Variants in IGSF5 observed in about 807,000 individuals in gnomAD.
IGSF5 encodes immunoglobulin superfamily 5 like.
IGSF5 carries 41 observed loss-of-function variants against 39.4 expected under a neutral mutation model. The observed-to-expected ratio is 1.04, with a 90% CI of 0.81 to 1.35. The LOEUF (loss-of-function observed/expected upper bound fraction) is 1.35, where lower values mean the gene tolerates loss of function less well. Ranked by LOEUF, IGSF5 falls within the 40% of genes most tolerant of loss-of-function variation. The probability of loss-of-function intolerance (pLI) is 0.00; values close to 1 mark genes in which losing one functional copy is unlikely to be tolerated. For missense variants in IGSF5, 487 were observed against 494.6 expected (o/e 0.98, Z 0.15); for synonymous variants, 183 against 175.3 (o/e 1.04, Z -0.34).
At chr21:39,765,217 C>T (rs1189914574) in intron 2 of IGSF5, among the ~76,000 whole-genome samples, 1 of 152,302 alleles carries the variant, frequency 6.6e-6, no homozygotes, top group South Asian at 2.1e-4. Context: ...GAGATCCTTA[C>T]CTAATTACAT....
At chr21:39,787,885 T>A (rs779061874) in intron 5 of IGSF5, among the ~76,000 whole-genome samples, 1 of 152,184 alleles carries the variant, frequency 6.6e-6, no homozygotes, top group African/African-American at 2.4e-5. Context: ...CACAAAGTAA[T>A]AAGTAAATAC....
chr21:39,754,445 C>T (rs2080020221), intron 2 of IGSF5, among the ~76,000 whole-genome samples: 1 of 152,128 alleles, frequency 6.6e-6, no homozygotes, highest in African/African-American at 2.4e-5. Flanking sequence ...ATGACATTTT[C>T]TGCCACTTTT....
chr21:39,753,869 A>G (rs1480312453), intron 2 of IGSF5, among the ~76,000 whole-genome samples: 1 of 151,778 alleles, frequency 6.6e-6, no homozygotes, highest in African/African-American at 2.4e-5. Flanking sequence ...AGTTTATGTG[A>G]GTGCTTAGGT....
chr21:39,779,571 A>T (rs2080159335), intron 5 of IGSF5, among the ~76,000 whole-genome samples: 1 of 152,216 alleles, frequency 6.6e-6, no homozygotes, highest in South Asian at 2.1e-4. Flanking sequence ...AAAAGAAATG[A>T]CATCTTCATA....
chr21:39,723,692 A>G, the IGSF5 span, among the ~76,000 whole-genome samples: 1,675 of 152,338 alleles, frequency 0.011, 33 homozygotes, highest in African/African-American at 0.037. Flanking sequence ...TATTCCCTAA[A>G]GCAAGGCACA....
At chr21:39,763,788 C>T (rs151015769) in intron 2 of IGSF5, among the ~76,000 whole-genome samples, 274 of 152,230 alleles carry the variant, frequency 1.8e-3, no homozygotes, top group Admixed American at 3.7e-3. Flanking sequence ...GGCGCAGACT[C>T]GGCTGTTTTC....
chr21:39,795,770 C>T (rs1489759132), intron 8 of IGSF5, among the ~76,000 whole-genome samples: 1 of 151,904 alleles, frequency 6.6e-6, no homozygotes, highest in Non-Finnish European at 1.5e-5. Flanking sequence ...GCCCTGGGGA[C>T]TGGTAACGTA....
intron 8 of IGSF5, among the ~76,000 whole-genome samples, chr21:39,798,537 C>T (rs574394690): frequency 5.3e-5 from 8 of 152,234 alleles, no homozygotes; most frequent in Admixed American, 2.0e-4. Flanking sequence ...GTTACTTGTG[C>T]CCCCATCTTC....
At chr21:39,756,687 G>A (rs2837163) in intron 2 of IGSF5, among the ~76,000 whole-genome samples, 107,482 of 152,046 alleles carry the variant, frequency 0.71, 40,803 homozygotes, top group Non-Finnish European at 0.84. Context: ...GCTAAGGAGT[G>A]TTGTTTTGCG....
At chr21:39,770,862 A>T in intron 3 of IGSF5, 54 bp from the exon 4 acceptor site, 1 of 1,204,730 alleles carries the variant, frequency 8.3e-7, no homozygotes, top group Non-Finnish European at 1.1e-6. Flanking sequence ...AAGAAAACTT[A>T]GAAGCGAGAG....
At chr21:39,734,683 C>G in the IGSF5 span, among the ~76,000 whole-genome samples, 2 of 151,912 alleles carry the variant, frequency 1.3e-5, no homozygotes, top group Non-Finnish European at 2.9e-5. Flanking sequence ...GTATTCGCCA[C>G]CAATTGTAAT....
chr21:39,777,102 A>T (rs2080145285), intron 4 of IGSF5, among the ~76,000 whole-genome samples: 1 of 152,218 alleles, frequency 6.6e-6, no homozygotes, highest in South Asian at 2.1e-4. Flanking sequence ...ATGAGATTTC[A>T]CTGGTTCCAT....
At chr21:39,745,035 C>T (rs1206244597), upstream of IGSF5, among the ~76,000 whole-genome samples, 1 of 150,948 alleles carries the variant, frequency 6.6e-6, no homozygotes, top group East Asian at 1.9e-4. Flanking sequence ...TTTACCCTGG[C>T]TTTTAAAGGA....
Position 39,771,113 on chromosome 21 carries a change from A to G in IGSF5, c.616A>G (p.Thr206Ala). 1 of 1,612,820 alleles carries G rather than the reference A, an allele frequency of 6.2e-7. No individual in the cohort carries two copies. Among genetic ancestry groups the G allele is most frequent in the Non-Finnish European group, 8.5e-7 (1 of 1,179,378 alleles). ...LQSAVSILAL[T>A]PQSNGTLTCV... Reference sequence around the variant, plus strand: ...AAGTGCAGTGAGCATCCTGGCTCTGACCCCACAGAGCAATGGGACTTTGAC... The same window carrying G: ...AAGTGCAGTGAGCATCCTGGCTCTGGCCCCACAGAGCAATGGGACTTTGAC... The change falls in exon 4 of 9, where the codon ACC becomes GCC. Residue 206 changes from threonine to alanine, a missense_variant. Transcript: ENST00000380588.
chr21:39,773,286 C>T (rs1164530343), intron 4 of IGSF5, among the ~76,000 whole-genome samples: 1 of 152,128 alleles, frequency 6.6e-6, no homozygotes, highest in Non-Finnish European at 1.5e-5. Context: ...GCTCCATCCA[C>T]GTCCTTGCAA....
chr21:39,795,402 C>T (rs945268976), intron 8 of IGSF5, among the ~76,000 whole-genome samples: 2 of 152,112 alleles, frequency 1.3e-5, no homozygotes, highest in African/African-American at 4.8e-5. Flanking sequence ...ATGATTTCCA[C>T]AGCCCTTCCG....
At chr21:39,731,178 T>C in the IGSF5 span, among the ~76,000 whole-genome samples, 7 of 152,216 alleles carry the variant, frequency 4.6e-5, no homozygotes, top group African/African-American at 1.7e-4. Context: ...TGTGGTGGTG[T>C]TATAAGATAA....
At chr21:39,752,961 T>G (rs1394542955) in intron 2 of IGSF5, among the ~76,000 whole-genome samples, 5 of 152,220 alleles carry the variant, frequency 3.3e-5, no homozygotes, top group Admixed American at 3.3e-4. Context: ...GTGTGTTTAC[T>G]CTGCTGATTA....
At chr21:39,773,550 T>C (rs2080125307) in intron 4 of IGSF5, among the ~76,000 whole-genome samples, 1 of 152,066 alleles carries the variant, frequency 6.6e-6, no homozygotes, top group Non-Finnish European at 1.5e-5. Flanking sequence ...CTGTCATTTT[T>C]CGTTTTGACA....
Sources: gnomAD v4.1 joint callset for allele counts (sites outside exome capture counted in the v4.1 genomes callset) on GRCh38, gnomAD v4.1.1 for gene constraint, MANE v1.5 for transcripts, NCBI Gene and HGNC (gene_info 2026-07-23, HGNC 2026-07-21) for gene names.